PPARGC1A: variants seen among roughly 807,000 people sequenced by gnomAD.
PPARGC1A encodes PPARG coactivator 1 alpha, also known as peroxisome proliferator-activated receptor gamma coactivator 1-alpha.
PPARGC1A carries 25 observed loss-of-function variants against 88.7 expected under a neutral mutation model. The ratio of observed to expected loss-of-function variants is 0.28; its 90% CI spans 0.21 to 0.39. PPARGC1A has a LOEUF of 0.39. Ranked by LOEUF, PPARGC1A falls within the 10% of genes least tolerant of loss-of-function variation. The pLI is 1.00. For synonymous variants in PPARGC1A, 363 were observed against 355.6 expected, an observed-to-expected ratio of 1.02 and a Z score of -0.24; for missense variants, 880 against 968.7, an observed-to-expected ratio of 0.91 and a Z score of 1.22.
the PPARGC1A span, among the ~76,000 whole-genome samples, chr4:24,366,415 G>A: frequency 6.6e-6 from 1 of 152,098 alleles, no homozygotes; most frequent in Admixed American, 6.6e-5. Context: ...GAATTGATTG[G>A]TGACTTTTTT....
the PPARGC1A span, among the ~76,000 whole-genome samples, chr4:24,403,328 CACA>C: frequency 4.6e-5 from 7 of 152,202 alleles, no homozygotes; most frequent in Non-Finnish European, 1.0e-4. Context: ...GTCAAAACAG[CACA>C]ACTTCAGTGG....
At chr4:24,056,846 T>C in the PPARGC1A span, among the ~76,000 whole-genome samples, 4 of 152,206 alleles carry the variant, frequency 2.6e-5, no homozygotes, top group African/African-American at 9.7e-5. Flanking sequence ...TTGTGCACTA[T>C]TGGTGGAGTG....
At chr4:23,809,940 C>T (rs1208747176) in intron 10 of PPARGC1A, among the ~76,000 whole-genome samples, 1 of 152,148 alleles carries the variant, frequency 6.6e-6, no homozygotes, top group Non-Finnish European at 1.5e-5. Context: ...GCCACAGATG[C>T]ACCCCTTATA....
the PPARGC1A span, among the ~76,000 whole-genome samples, chr4:24,086,256 A>G: frequency 6.6e-6 from 1 of 152,002 alleles, no homozygotes; most frequent in Non-Finnish European, 1.5e-5. Flanking sequence ...ACTGATACCC[A>G]CTTATATCTA....
At chr4:23,899,631 G>C (rs1271188466), upstream of PPARGC1A, among the ~76,000 whole-genome samples, 1 of 152,150 alleles carries the variant, frequency 6.6e-6, no homozygotes, top group African/African-American at 2.4e-5. Context: ...ATAAATCCCA[G>C]AAATGTAATG....
the PPARGC1A span, among the ~76,000 whole-genome samples, chr4:24,308,009 G>A: frequency 1.4e-4 from 21 of 152,156 alleles, no homozygotes; most frequent in East Asian, 9.6e-4. Context: ...AAATCAGATC[G>A]GGCTGGGTGC....
chr4:23,975,243 A>G, the PPARGC1A span, among the ~76,000 whole-genome samples: 2 of 152,136 alleles, frequency 1.3e-5, no homozygotes, highest in African/African-American at 2.4e-5. Context: ...ACTGGTAAAT[A>G]TTTTTATTAT....
chr4:24,018,972 T>C, the PPARGC1A span, among the ~76,000 whole-genome samples: 1 of 152,240 alleles, frequency 6.6e-6, no homozygotes, highest in African/African-American at 2.4e-5. Flanking sequence ...ATTATTTTTC[T>C]ATGTGTGAGT....
the PPARGC1A span, among the ~76,000 whole-genome samples, chr4:24,238,817 AT>A: frequency 9.3e-5 from 14 of 150,534 alleles, no homozygotes; most frequent in African/African-American, 3.4e-4. Context: ...CCATATCCAC[AT>A]GCTAAGTGCT....
At chr4:24,395,455 G>A in the PPARGC1A span, among the ~76,000 whole-genome samples, 1 of 152,150 alleles carries the variant, frequency 6.6e-6, no homozygotes, top group South Asian at 2.1e-4. Context: ...GGGTCCATAT[G>A]GTTGGATTCA....
chr4:23,877,238 C>T (rs1261310642), intron 2 of PPARGC1A, among the ~76,000 whole-genome samples: 4 of 151,634 alleles, frequency 2.6e-5, no homozygotes, highest in Non-Finnish European at 5.9e-5. Flanking sequence ...AAAAGGAGGC[C>T]GGGTGCAGTG....
the PPARGC1A span, among the ~76,000 whole-genome samples, chr4:24,138,970 T>C: frequency 2.6e-5 from 4 of 152,166 alleles, no homozygotes; most frequent in Non-Finnish European, 2.9e-5. Flanking sequence ...GGCGAGATAG[T>C]GTGATCCACC....
chr4:24,197,562 C>T, the PPARGC1A span, among the ~76,000 whole-genome samples: 1 of 152,162 alleles, frequency 6.6e-6, no homozygotes, highest in African/African-American at 2.4e-5. Context: ...ATGGCTAGGC[C>T]CTGTTGCTCC....
the PPARGC1A span, among the ~76,000 whole-genome samples, chr4:24,200,634 C>A: frequency 8.5e-5 from 7 of 81,988 alleles, no homozygotes; most frequent in African/African-American, 7.8e-5. Context: ...TTAATGTAAC[C>A]AAAATGTTTT....
upstream of PPARGC1A, among the ~76,000 whole-genome samples, chr4:23,902,388 G>A (rs185326917): frequency 3.9e-5 from 6 of 152,140 alleles, no homozygotes; most frequent in African/African-American, 9.7e-5. Context: ...GGCGCTACTC[G>A]CATCACAATC....
At chr4:24,459,895 G>A in the PPARGC1A span, among the ~76,000 whole-genome samples, 15 of 152,156 alleles carry the variant, frequency 9.9e-5, no homozygotes, top group African/African-American at 3.4e-4. Context: ...TGCTTTTTCC[G>A]AAGCCTTCTT....
chr4:24,324,994 A>C, the PPARGC1A span, among the ~76,000 whole-genome samples: 1 of 152,230 alleles, frequency 6.6e-6, no homozygotes, highest in South Asian at 2.1e-4. Flanking sequence ...TCCGACTTAC[A>C]GTTTCATTCT....
At chr4:24,351,970 T>A in the PPARGC1A span, among the ~76,000 whole-genome samples, 1 of 152,166 alleles carries the variant, frequency 6.6e-6, no homozygotes, top group Non-Finnish European at 1.5e-5. Context: ...GATACTATGT[T>A]CTTTGGGTTC....
At chr4:24,136,143 C>T in the PPARGC1A span, among the ~76,000 whole-genome samples, 5 of 152,168 alleles carry the variant, frequency 3.3e-5, no homozygotes, top group African/African-American at 9.7e-5. Flanking sequence ...ATTGGCACCT[C>T]GCATCCAGCC....
Sources: gnomAD v4.1 joint callset for allele counts (sites outside exome capture counted in the v4.1 genomes callset) on GRCh38, gnomAD v4.1.1 for gene constraint, MANE v1.5 for transcripts, NCBI Gene and HGNC (gene_info 2026-07-23, HGNC 2026-07-21) for gene names.